The following MAN1A1 variants were observed in gnomAD, a reference collection of about 807,000 sequenced individuals.
The protein encoded by MAN1A1 is mannosidase alpha class 1A member 1.
A neutral mutation model predicts 70.8 loss-of-function variants in MAN1A1; 29 were observed. That is an observed-to-expected ratio of 0.41 (90% CI 0.31 to 0.56). The LOEUF (loss-of-function observed/expected upper bound fraction) is 0.56, where lower values mean the gene tolerates loss of function less well. MAN1A1 is among the 20% of genes least tolerant of loss of function. The pLI, the probability that MAN1A1 is intolerant of heterozygous loss-of-function variation, is 0.29. For synonymous variants in MAN1A1, 349 were observed against 330.1 expected (o/e 1.06, Z -0.62); for missense variants, 747 against 841.3 (o/e 0.89, Z 1.39).
chr6:119,243,342 C>A (rs1775063785), intron 6 of MAN1A1, among the ~76,000 whole-genome samples: 1 of 151,908 alleles, frequency 6.6e-6, no homozygotes, highest in South Asian at 2.1e-4. Flanking sequence ...ATACTTCTTT[C>A]AAATCTGAAA....
At chr6:119,345,239 TA>T (rs1267987850) in intron 2 of MAN1A1, among the ~76,000 whole-genome samples, 10 of 148,748 alleles carry the variant, frequency 6.7e-5, no homozygotes, top group Admixed American at 6.7e-5. Context: ...GATTTCTGAT[TA>T]AAAAAAAAAG....
intron 8 of MAN1A1, among the ~76,000 whole-genome samples, chr6:119,198,701 T>A (rs1338973286): frequency 6.6e-6 from 1 of 152,208 alleles, no homozygotes; most frequent in Non-Finnish European, 1.5e-5. Flanking sequence ...TTTGCATATC[T>A]CTTTCTTGTT....
chr6:119,187,812 G>A (rs980572479), intron 11 of MAN1A1, among the ~76,000 whole-genome samples: 3 of 152,178 alleles, frequency 2.0e-5, no homozygotes, highest in Non-Finnish European at 2.9e-5. Context: ...CACTAGATTG[G>A]TTTAGGAAGG....
At chr6:119,205,444 T>C (rs1414687747) in intron 6 of MAN1A1, among the ~76,000 whole-genome samples, 4 of 152,196 alleles carry the variant, frequency 2.6e-5, no homozygotes, top group Non-Finnish European at 5.9e-5. Context: ...TCTAAGCATA[T>C]TACCTAAGGT....
At chr6:119,243,066 T>C (rs748159007) in intron 6 of MAN1A1, among the ~76,000 whole-genome samples, 46 of 152,148 alleles carry the variant, frequency 3.0e-4, no homozygotes, top group Non-Finnish European at 5.7e-4. Context: ...CTACAGTTTC[T>C]AAACTTGTCT....
intron 2 of MAN1A1, among the ~76,000 whole-genome samples, chr6:119,347,212 A>G (rs1268644127): frequency 2.0e-5 from 3 of 152,180 alleles, no homozygotes; most frequent in African/African-American, 7.2e-5. Flanking sequence ...AGCTGATCTT[A>G]TAATACAAAG....
chr6:119,241,944 ATGTATGTGTGTGTGTGTGTGTGTG>A (rs1775019977), intron 6 of MAN1A1, among the ~76,000 whole-genome samples: 1 of 146,070 alleles, frequency 6.8e-6, no homozygotes, highest in Non-Finnish European at 1.5e-5. Flanking sequence ...GTGTGTGTGT[ATGTATGTGTGTGTGTGTGTGTGTG>A]TGTGTATATG....
chr6:119,337,779 T>G (rs1254622894), intron 2 of MAN1A1, among the ~76,000 whole-genome samples: 3 of 152,218 alleles, frequency 2.0e-5, no homozygotes, highest in Admixed American at 6.5e-5. Flanking sequence ...AGCTACTGAG[T>G]TCTTCATTAC....
intron 2 of MAN1A1, among the ~76,000 whole-genome samples, chr6:119,335,612 G>A (rs1404385250): frequency 6.6e-6 from 1 of 152,210 alleles, no homozygotes; most frequent in African/African-American, 2.4e-5. Context: ...CACAAAATCA[G>A]TGACACACAG....
intron 5 of MAN1A1, among the ~76,000 whole-genome samples, chr6:119,272,066 A>G (rs1241203774): frequency 2.0e-5 from 3 of 152,342 alleles, no homozygotes; most frequent in Middle Eastern, 6.8e-3. Context: ...AAGTATTTCA[A>G]ATTTACACAT....
chr6:119,313,333 A>G (rs1772763241), intron 2 of MAN1A1, among the ~76,000 whole-genome samples: 1 of 152,066 alleles, frequency 6.6e-6, no homozygotes, highest in Non-Finnish European at 1.5e-5. Context: ...TTCCTCAGTG[A>G]GCGAGGGCCA....
chr6:119,232,679 ATG>A (rs78960133), intron 6 of MAN1A1, among the ~76,000 whole-genome samples: 12,629 of 143,356 alleles, frequency 0.088, 675 homozygotes, highest in African/African-American at 0.17. Flanking sequence ...ACACATATAT[ATG>A]TGTGTGTGTG....
chr6:119,301,088 C>T (rs1772378267), intron 4 of MAN1A1, among the ~76,000 whole-genome samples: 2 of 152,196 alleles, frequency 1.3e-5, no homozygotes, highest in Admixed American at 6.5e-5. Context: ...CAGCATGTTA[C>T]TTGTGCGTGG....
chr6:119,331,176 A>C (rs1773299581), intron 2 of MAN1A1, among the ~76,000 whole-genome samples: 1 of 152,226 alleles, frequency 6.6e-6, no homozygotes, highest in South Asian at 2.1e-4. Flanking sequence ...ATCTCTTAAG[A>C]TCAATTAAAC....
Position 119,349,725 on chromosome 6 carries a change from G to C in MAN1A1, c.-406C>G. The C allele has an allele frequency of 1.0e-6, 1 of 985,830 alleles. No homozygotes were observed. Among genetic ancestry groups the C allele is most frequent in the Non-Finnish European group, 1.2e-6 (1 of 830,106 alleles). The allele number at this position is 985,830 out of a possible 1,614,324, so 61.1% of individuals were successfully genotyped here. A position where few individuals can be genotyped will look rare whatever the true frequency, so the allele number is the denominator to read the frequency against. On this transcript the variant is annotated 5_prime_UTR_variant, in exon 1 of 13. Transcript: ENST00000368468. Reference sequence around the variant, plus strand: ...CTGCGGGCGAATGGCAGCGAGTAGAGCAGCACGGTACACTCCGCCGCGGCC... The same window carrying C: ...CTGCGGGCGAATGGCAGCGAGTAGACCAGCACGGTACACTCCGCCGCGGCC...
chr6:119,237,541 T>C (rs1160152275), intron 6 of MAN1A1, among the ~76,000 whole-genome samples: 1 of 152,146 alleles, frequency 6.6e-6, no homozygotes, highest in South Asian at 2.1e-4. Flanking sequence ...GCGTTTCTTT[T>C]CTTCTCCTCT....
chr6:119,299,758 G>A (rs141881987), intron 4 of MAN1A1, among the ~76,000 whole-genome samples: 1 of 152,164 alleles, frequency 6.6e-6, no homozygotes, highest in East Asian at 1.9e-4. Flanking sequence ...AAGTCTCCAG[G>A]ACCCATGGAA....
At chr6:119,250,644 C>CTGTG (rs1444671819) in intron 5 of MAN1A1, among the ~76,000 whole-genome samples, 1 of 89,470 alleles carries the variant, frequency 1.1e-5, no homozygotes, top group Non-Finnish European at 2.4e-5. Flanking sequence ...CTCTTGTTCT[C>CTGTG]TCTCTGTGTG....
intron 9 of MAN1A1, among the ~76,000 whole-genome samples, chr6:119,190,245 C>T (rs906622041): frequency 6.6e-6 from 1 of 152,180 alleles, no homozygotes; most frequent in African/African-American, 2.4e-5. Context: ...TGAAATAACA[C>T]AGCCCAGGCC....
Sources: allele counts gnomAD v4.1 joint callset (sites outside exome capture counted in the v4.1 genomes callset), GRCh38; gene constraint gnomAD v4.1.1; transcripts MANE v1.5; gene names NCBI Gene and HGNC (gene_info 2026-07-23, HGNC 2026-07-21).